The following RMND5A variants were observed in gnomAD, a reference collection of about 807,000 sequenced individuals.
RMND5A encodes required for meiotic nuclear division 5 homolog A.
In RMND5A, 17 loss-of-function variants were observed where a neutral mutation model predicts 49.7. That is an observed-to-expected ratio of 0.34 (90% CI 0.23 to 0.51). RMND5A has a LOEUF of 0.51. Among genes scored for constraint, RMND5A ranks in the 20% least tolerant of loss-of-function variants. The pLI, the probability that RMND5A is intolerant of heterozygous loss-of-function variation, is 0.96. For missense variants in RMND5A, 255 were observed against 471.3 expected, an observed-to-expected ratio of 0.54 and a Z score of 4.25; for synonymous variants, 156 against 167.7, an observed-to-expected ratio of 0.93 and a Z score of 0.54.
intron 6 of RMND5A, among the ~76,000 whole-genome samples, 187 bp from the exon 7 acceptor site, chr2:86,769,836 G>C (rs1362146084): frequency 2.0e-5 from 3 of 152,132 alleles, no homozygotes; most frequent in Non-Finnish European, 4.4e-5. Context: ...GGGAAGAAGG[G>C]GAGGGAAAAC....
chr2:86,755,944 C>T (rs1681729808), intron 4 of RMND5A, among the ~76,000 whole-genome samples: 1 of 152,122 alleles, frequency 6.6e-6, no homozygotes, highest in Admixed American at 6.6e-5. Flanking sequence ...TTAACCTATT[C>T]AACCCTCATA....
chr2:86,766,039 C>T lies in RMND5A; in HGVS notation c.854+15C>T, dbSNP rs1672585863. ...CTCAGTGTCAGGTATGGAAATTAGC[C>T]CTGTCTGTTATTGAAGTATGCACTG... On this transcript the variant is annotated intron_variant, in intron 6 of 8. Coordinates refer to ENST00000283632, the MANE Select transcript of RMND5A (RefSeq NM_022780.4). The T allele has an allele frequency of 6.2e-7, 1 of 1,607,954 alleles. No individual in the cohort carries two copies. Among genetic ancestry groups the T allele is most frequent in the East Asian group, 2.2e-5 (1 of 44,824 alleles).
intron 2 of RMND5A, among the ~76,000 whole-genome samples, chr2:86,747,605 A>T (rs567503720): frequency 6.6e-6 from 1 of 152,312 alleles, no homozygotes; most frequent in Non-Finnish European, 1.5e-5. Context: ...TTTTTCTTCA[A>T]AGTAGATGGA....
intron 4 of RMND5A, among the ~76,000 whole-genome samples, chr2:86,761,273 A>C (rs1672483883): frequency 6.6e-6 from 1 of 152,222 alleles, no homozygotes; most frequent in Non-Finnish European, 1.5e-5. Flanking sequence ...AGAGCTTAGC[A>C]AGAGGCATAG....
chr2:86,766,197 G>A (rs1262425668), intron 6 of RMND5A, among the ~76,000 whole-genome samples, 173 bp downstream of exon 6: 1 of 152,216 alleles, frequency 6.6e-6, no homozygotes, highest in African/African-American at 2.4e-5. Flanking sequence ...TAGAGAAGCA[G>A]TTTTGAAAGT....
intron 2 of RMND5A, among the ~76,000 whole-genome samples, chr2:86,743,498 CT>C (rs35434581): frequency 0.7 from 105,393 of 151,338 alleles, 36,946 homozygotes; most frequent in East Asian, 0.91. Flanking sequence ...GACTCTCACT[CT>C]TTTTGCCCAA....
Position 86,776,798 on chromosome 2 carries a change from G to C in RMND5A, c.*3387G>C, listed in dbSNP as rs1290141961. ...TTAGTTTCATCACTAGGATGTATAA[G>C]GTGACGACACAAACCAAATACCTTT... is the stretch of plus-strand genomic sequence containing the variant. On this transcript the variant is annotated 3_prime_UTR_variant, in exon 9 of 9. Transcript: ENST00000283632. The C allele has an allele frequency of 2.0e-5, 3 of 152,196 alleles. No homozygotes were observed. Among genetic ancestry groups the C allele is most frequent in the African/African-American group, 7.2e-5 (3 of 41,448 alleles). The allele number at this position is 152,196 out of a possible 1,614,324, so 9.4% of individuals were successfully genotyped here. A position where few individuals can be genotyped will look rare whatever the true frequency, so the allele number is the denominator to read the frequency against.
rs1681286736 is a variant in RMND5A at position 86,726,689 on chromosome 2, A to ATTAATT, written c.142+5880_142+5881insTTAATT. On this transcript the variant is annotated intron_variant, in intron 1 of 8. Transcript: ENST00000283632. ...TGTTAGCCATTCTTTTTCCAGACGT[A>ATTAATT]CTCTGGAGATAATTAATTCTTTTTT... Among the ~76,000 whole-genome samples the ATTAATT allele has an allele frequency of 3.9e-5, 3 of 77,228 alleles. 1 individual carries two copies. Among genetic ancestry groups the ATTAATT allele is most frequent in the Non-Finnish European group, 8.0e-5 (3 of 37,330 alleles). The allele number at this position is 77,228 out of a possible 152,430, so 50.7% of individuals were successfully genotyped here. A position where few individuals can be genotyped will look rare whatever the true frequency, so the allele number is the denominator to read the frequency against.
At chr2:86,744,867 C>A (rs1175783758) in intron 2 of RMND5A, among the ~76,000 whole-genome samples, 4 of 152,030 alleles carry the variant, frequency 2.6e-5, no homozygotes, top group Non-Finnish European at 5.9e-5. Flanking sequence ...TAATTTTTTT[C>A]ATTTTTGCGT....
In RMND5A at chr2:86,773,398, A is replaced by G; in HGVS notation, c.1163A>G (p.Gln388Arg). The G allele has an allele frequency of 6.2e-7, 1 of 1,604,902 alleles. No individual in the cohort carries two copies. The highest frequency in any genetic ancestry group is 1.7e-5 in the Admixed American group (1 of 59,994). ...GAACAAAGTCCAGGAGATGCCAAAC[A>G]GATATTTTTCTGAAGAGATAACTTT... ...PMEQSPGDAK[Q>R]IFF The change falls in exon 9 of 9, where the codon CAG becomes CGG. Residue 388 changes from glutamine to arginine, a missense_variant. Gln to Arg is a conservative substitution (Grantham distance 43). Coordinates refer to ENST00000283632, the MANE Select transcript of RMND5A (RefSeq NM_022780.4).
intron 4 of RMND5A, among the ~76,000 whole-genome samples, chr2:86,759,673 A>G (rs1347862605): frequency 5.5e-5 from 8 of 144,514 alleles, no homozygotes; most frequent in African/African-American, 2.0e-4. Flanking sequence ...GGTGGTGAGC[A>G]CCTGTAACCC....
chr2:86,754,674 G>A (rs1339649652), intron 4 of RMND5A, among the ~76,000 whole-genome samples: 2 of 151,750 alleles, frequency 1.3e-5, no homozygotes, highest in South Asian at 4.2e-4. Context: ...TCCCGCCTTA[G>A]CCTCCTGAGT....
At chr2:86,744,293 T>C (rs1681500137) in intron 2 of RMND5A, among the ~76,000 whole-genome samples, 2 of 152,176 alleles carry the variant, frequency 1.3e-5, no homozygotes, top group Non-Finnish European at 2.9e-5. Flanking sequence ...AATTTGAACC[T>C]GGTAGTTGTG....
At chr2:86,765,571 A>C (rs556817121) in intron 5 of RMND5A, 15 of 378,410 alleles carry the variant, frequency 4.0e-5, no homozygotes, top group Non-Finnish European at 6.7e-5. Context: ...GCAGTCAGAG[A>C]TAATGTGATG....
chr2:86,773,431 A>C lies in RMND5A; in HGVS notation c.*20A>C. The C allele has an allele frequency of 1.3e-6, 2 of 1,523,628 alleles. No homozygotes were observed. The highest frequency in any genetic ancestry group is 1.8e-6 in the Non-Finnish European group (2 of 1,097,840). 94.4% of individuals were successfully genotyped at this position (1,523,628 alleles called of 1,614,324 possible). On this transcript the variant is annotated 3_prime_UTR_variant, in exon 9 of 9. Coordinates refer to ENST00000283632, the MANE Select transcript of RMND5A (RefSeq NM_022780.4). ...TTCTGAAGAGATAACTTTAGTTTGC[A>C]ATTTGTAAGTGAAACTGAATCGTGG...
At chr2:86,767,543 G>A (rs958657000) in intron 6 of RMND5A, among the ~76,000 whole-genome samples, 4 of 151,866 alleles carry the variant, frequency 2.6e-5, no homozygotes, top group African/African-American at 9.7e-5. Context: ...AGGCTCCTGA[G>A]TAGCTGGGAG....
At chr2:86,734,096 CTCTT>C (rs1354446748) in intron 1 of RMND5A, among the ~76,000 whole-genome samples, 63 of 141,632 alleles carry the variant, frequency 4.4e-4, no homozygotes, top group African/African-American at 1.6e-3. Context: ...CATTAGTGAA[CTCTT>C]TCTCTCTTAA....
chr2:86,755,087 C>G (rs748475343), intron 4 of RMND5A, among the ~76,000 whole-genome samples: 3 of 151,564 alleles, frequency 2.0e-5, no homozygotes, highest in Non-Finnish European at 4.4e-5. Context: ...TCTAACACCT[C>G]TTAAACAAAA....
chr2:86,725,270 T>C (rs1035021270), intron 1 of RMND5A, among the ~76,000 whole-genome samples: 8 of 147,802 alleles, frequency 5.4e-5, no homozygotes, highest in African/African-American at 2.0e-4. Flanking sequence ...GAATAGTACA[T>C]TCAAATGGTA....
Sources: allele counts gnomAD v4.1 joint callset (sites outside exome capture counted in the v4.1 genomes callset), GRCh38; gene constraint gnomAD v4.1.1; transcripts MANE v1.5; gene names NCBI Gene and HGNC (gene_info 2026-07-23, HGNC 2026-07-21).